The following PLXDC1 variants were observed in gnomAD, a reference collection of about 807,000 sequenced individuals.
PLXDC1 encodes plexin domain containing 1.
PLXDC1 carries 39 observed loss-of-function variants against 61.3 expected under a neutral mutation model. The ratio of observed to expected loss-of-function variants is 0.64; its 90% CI spans 0.49 to 0.83. PLXDC1 has a LOEUF of 0.83. PLXDC1 is among the 40% of genes least tolerant of loss of function. The probability of loss-of-function intolerance (pLI) is 0.00; values close to 1 mark genes in which losing one functional copy is unlikely to be tolerated. For synonymous variants in PLXDC1, 212 were observed against 254.5 expected (o/e 0.83, Z 1.59); for missense variants, 596 against 666.5 (o/e 0.89, Z 1.17).
intron 1 of PLXDC1, among the ~76,000 whole-genome samples, chr17:39,149,418 T>C (rs2045360429): frequency 6.6e-6 from 1 of 152,114 alleles, no homozygotes; most frequent in Non-Finnish European, 1.5e-5. Flanking sequence ...AGACACCCGC[T>C]TCCTCCTCAT....
At chr17:39,109,059 G>C in intron 3 of PLXDC1, 86 bp from the exon 4 acceptor site, 6 of 1,301,098 alleles carry the variant, frequency 4.6e-6, no homozygotes, top group Non-Finnish European at 6.6e-6. Context: ...TGTTTGGACA[G>C]AGTGGGGAGC....
intron 12 of PLXDC1, among the ~76,000 whole-genome samples, chr17:39,070,823 C>T (rs1598181862): frequency 6.6e-6 from 1 of 152,128 alleles, no homozygotes; most frequent in Non-Finnish European, 1.5e-5. Context: ...ACTAAAAATA[C>T]AAAAATTAGC....
intron 7 of PLXDC1, among the ~76,000 whole-genome samples, chr17:39,089,340 G>A (rs1214011911): frequency 2.6e-5 from 4 of 152,200 alleles, no homozygotes; most frequent in African/African-American, 9.7e-5. Context: ...CTGTAACCAA[G>A]AGGCCTTTTG....
chr17:39,092,246 T>C (rs1024642069), intron 7 of PLXDC1, among the ~76,000 whole-genome samples: 2 of 151,994 alleles, frequency 1.3e-5, no homozygotes, highest in African/African-American at 4.8e-5. Flanking sequence ...GGCTAATTTT[T>C]GTATTTTTAG....
intron 2 of PLXDC1, among the ~76,000 whole-genome samples, chr17:39,122,439 C>T (rs1911195008): frequency 1.4e-5 from 2 of 147,590 alleles, no homozygotes; most frequent in Admixed American, 6.8e-5. Flanking sequence ...GGCTGGGATG[C>T]AGATGTGATG....
intron 2 of PLXDC1, among the ~76,000 whole-genome samples, chr17:39,116,113 G>A (rs768174566): frequency 6.6e-5 from 10 of 152,094 alleles, no homozygotes; most frequent in Non-Finnish European, 1.2e-4. Context: ...GTGAGACTCC[G>A]TCTCAAAAAA....
rs547841452 is a variant in PLXDC1, at chr17:39,142,531, C to G, written c.77-2699G>C. On this transcript the variant is annotated intron_variant, in intron 1 of 13. Transcript: ENST00000315392. Reference sequence around the variant, plus strand: ...TTCCCTCTAGGTTGTTAAATGCATGCTTTTTTTGAGACAGGGTCTCACTCT... The same window carrying G: ...TTCCCTCTAGGTTGTTAAATGCATGGTTTTTTTGAGACAGGGTCTCACTCT... 1.2e-4 allele frequency among the ~76,000 whole-genome samples: 18 copies of G among 152,144 alleles called. No homozygotes were observed. In the South Asian group the frequency reaches 3.7e-3, roughly 32 times the overall value.
intron 7 of PLXDC1, chr17:39,097,091 C>G (rs1012850985): frequency 6.8e-6 from 3 of 442,488 alleles, no homozygotes; most frequent in Admixed American, 5.1e-5. Context: ...CCTCCCATCC[C>G]CTTGCCTAGC....
At chr17:39,150,671 C>T (rs12949771) in intron 1 of PLXDC1, among the ~76,000 whole-genome samples, 1,823 of 152,244 alleles carry the variant, frequency 0.012, 46 homozygotes, top group African/African-American at 0.042. Context: ...CGCCTCCCTC[C>T]ACCCCCTACC....
At position 39,063,660 on chromosome 17, in the gene PLXDC1, G is replaced by A; in HGVS notation, c.*4180C>T. ...ATTATTAACACTGAGAATCCATGCAGAGAGTTTACACTAAACACATGAATA... is the reference window on the plus strand; with the variant it reads ...ATTATTAACACTGAGAATCCATGCAAAGAGTTTACACTAAACACATGAATA... On this transcript the variant is annotated 3_prime_UTR_variant, in exon 14 of 14. Transcript: ENST00000315392. The A allele has an allele frequency of 1.7e-6, 1 of 605,928 alleles. No individual in the cohort carries two copies. The highest frequency in any genetic ancestry group is 2.0e-5 in the South Asian group (1 of 49,914). 37.5% of individuals were successfully genotyped at this position (605,928 alleles called of 1,614,324 possible). A position where few individuals can be genotyped will look rare whatever the true frequency, so the allele number is the denominator to read the frequency against.
rs1003058270 is a variant in PLXDC1, at chr17:39,064,995, C to A, written c.*2845G>T. 6.6e-6 allele frequency: 1 copy of A among 152,246 alleles called. No homozygotes were observed. Among genetic ancestry groups the A allele is most frequent in the Admixed American group, 6.5e-5 (1 of 15,284 alleles). 9.4% of individuals were successfully genotyped at this position (152,246 alleles called of 1,614,324 possible). On this transcript the variant is annotated 3_prime_UTR_variant, in exon 14 of 14. Coordinates refer to ENST00000315392, the MANE Select transcript of PLXDC1 (RefSeq NM_020405.5). ...TCCATGGACAGCACCACTCATCTCACTCCCCAACTCTAGCACACGTTTTCC... is the reference window on the plus strand; with the variant it reads ...TCCATGGACAGCACCACTCATCTCAATCCCCAACTCTAGCACACGTTTTCC...
At chr17:39,149,232 A>G (rs2045359104) in intron 1 of PLXDC1, among the ~76,000 whole-genome samples, 1 of 152,068 alleles carries the variant, frequency 6.6e-6, no homozygotes, top group African/African-American at 2.4e-5. Context: ...CTACTTCCCA[A>G]GGCCCCCCAC....
chr17:39,107,997 AAGGT>A, intron 5 of PLXDC1, 122 bp downstream of exon 5: 2 of 1,196,284 alleles, frequency 1.7e-6, no homozygotes, highest in Non-Finnish European at 2.4e-6. Context: ...TGAGCAGAGA[AAGGT>A]AGGTGGCTGC....
intron 8 of PLXDC1, 142 bp downstream of exon 8, chr17:39,087,465 G>T (rs1268812443): frequency 3.0e-6 from 2 of 661,112 alleles, no homozygotes; most frequent in African/African-American, 3.6e-5. Flanking sequence ...GTGGCATCAG[G>T]CTCGGGTTAC....
intron 9 of PLXDC1, among the ~76,000 whole-genome samples, chr17:39,081,832 A>G (rs1366478865): frequency 6.6e-6 from 1 of 152,002 alleles, no homozygotes; most frequent in African/African-American, 2.4e-5. Flanking sequence ...GGTTTCAACT[A>G]CAGGGGGGAC....
At chr17:39,140,487 AAT>A (rs1198539009) in intron 1 of PLXDC1, among the ~76,000 whole-genome samples, 1 of 152,058 alleles carries the variant, frequency 6.6e-6, no homozygotes, top group Non-Finnish European at 1.5e-5. Context: ...TTGTATTTTT[AAT>A]AGAGACGAGG....
At chr17:39,146,948 A>ATTTTTTTTTT (rs869300584) in intron 1 of PLXDC1, among the ~76,000 whole-genome samples, 1 of 74,686 alleles carries the variant, frequency 1.3e-5, no homozygotes, top group Non-Finnish European at 2.5e-5. Context: ...ACAGGAAATG[A>ATTTTTTTTTT]TTTTTTTTTT....
intron 2 of PLXDC1, among the ~76,000 whole-genome samples, chr17:39,133,449 C>G (rs889556302): frequency 6.6e-6 from 1 of 152,122 alleles, no homozygotes; most frequent in Admixed American, 6.5e-5. Flanking sequence ...GACAATCACA[C>G]CAGGCAGAAC....
intron 2 of PLXDC1, among the ~76,000 whole-genome samples, chr17:39,136,725 C>T (rs1021675819): frequency 3.9e-5 from 6 of 152,004 alleles, no homozygotes; most frequent in East Asian, 3.9e-4. Context: ...GAACAGGATG[C>T]TTTTTTGTTA....
Sources: gnomAD v4.1 joint callset for allele counts (sites outside exome capture counted in the v4.1 genomes callset) on GRCh38, gnomAD v4.1.1 for gene constraint, MANE v1.5 for transcripts, NCBI Gene and HGNC (gene_info 2026-07-23, HGNC 2026-07-21) for gene names.